The following TENM3 variants were observed in gnomAD, a reference collection of about 807,000 sequenced individuals.
TENM3 encodes the protein teneurin transmembrane protein 3, also known as teneurin-3.
Under a neutral mutation model 255.1 loss-of-function variants are expected in TENM3, and 63 were observed. The ratio of observed to expected loss-of-function variants is 0.25; its 90% CI spans 0.20 to 0.30. The LOEUF (loss-of-function observed/expected upper bound fraction) is 0.30, where lower values mean the gene tolerates loss of function less well. Ranked by LOEUF, TENM3 falls within the 10% of genes least tolerant of loss-of-function variation. The pLI is 1.00. For missense variants in TENM3, 2,929 were observed against 3,461.1 expected, an observed-to-expected ratio of 0.85 and a Z score of 3.86; for synonymous variants, 1,306 against 1,322.3, an observed-to-expected ratio of 0.99 and a Z score of 0.27.
intron 20 of TENM3, among the ~76,000 whole-genome samples, chr4:182,752,348 G>T (rs1561200287): frequency 6.6e-6 from 1 of 152,118 alleles, no homozygotes; most frequent in East Asian, 1.9e-4. Context: ...TCAACTTCAA[G>T]GAAGTATCCA....
intron 1 of TENM3, among the ~76,000 whole-genome samples, chr4:182,322,201 A>T (rs28479324): frequency 0.14 from 21,243 of 152,140 alleles, 1,939 homozygotes; most frequent in African/African-American, 0.26. Context: ...ATCGTTTTTT[A>T]AAATAAAAAC....
At chr4:182,679,624 A>C in intron 7 of TENM3, 42 bp from the exon 8 acceptor site, 6 of 1,455,554 alleles carry the variant, frequency 4.1e-6, no homozygotes, top group Non-Finnish European at 5.7e-6. Flanking sequence ...AGAAGCAGCC[A>C]CCCTTTATCT....
intron 22 of TENM3, among the ~76,000 whole-genome samples, chr4:182,761,774 T>C (rs532074934): frequency 6.6e-6 from 1 of 152,348 alleles, no homozygotes; most frequent in East Asian, 1.9e-4. Context: ...GAAAATTCTA[T>C]TTTTGATAGA....
intron 3 of TENM3, among the ~76,000 whole-genome samples, chr4:182,558,806 A>G (rs954471745): frequency 6.6e-6 from 1 of 152,164 alleles, no homozygotes; most frequent in Non-Finnish European, 1.5e-5. Context: ...TGCTTCTTCC[A>G]GAGAAGCTTT....
At chr4:182,358,997 T>C (rs967765562) in intron 3 of TENM3, among the ~76,000 whole-genome samples, 13 of 151,820 alleles carry the variant, frequency 8.6e-5, no homozygotes, top group Non-Finnish European at 1.5e-4. Flanking sequence ...TTGTCTTTGG[T>C]TCTGTTTATA....
At chr4:182,259,339 G>A (rs1406554884) in intron 1 of TENM3, among the ~76,000 whole-genome samples, 3 of 152,100 alleles carry the variant, frequency 2.0e-5, no homozygotes, top group Admixed American at 6.6e-5. Context: ...TAGATACAGG[G>A]TCTTGCTCTG....
At chr4:182,410,707 A>G (rs17073261) in intron 3 of TENM3, among the ~76,000 whole-genome samples, 16,703 of 152,172 alleles carry the variant, frequency 0.11, 1,287 homozygotes, top group East Asian at 0.29. Flanking sequence ...AAATCGTCTT[A>G]ACCACGAGGA....
At chr4:182,500,798 A>G (rs555692730) in intron 3 of TENM3, among the ~76,000 whole-genome samples, 1 of 152,242 alleles carries the variant, frequency 6.6e-6, no homozygotes, top group Admixed American at 6.5e-5. Flanking sequence ...AATAAAGTAC[A>G]CGGTTTCACA....
At chr4:182,260,119 T>G (rs931853887) in intron 1 of TENM3, among the ~76,000 whole-genome samples, 13 of 152,240 alleles carry the variant, frequency 8.5e-5, no homozygotes, top group African/African-American at 2.9e-4. Context: ...GGACTAAATT[T>G]TCTTTATCCA....
chr4:182,393,340 T>C (rs1768568570), intron 3 of TENM3, among the ~76,000 whole-genome samples: 1 of 152,174 alleles, frequency 6.6e-6, no homozygotes, highest in Non-Finnish European at 1.5e-5. Flanking sequence ...GATGGTCCTG[T>C]ATCTTTTCAC....
At chr4:181,563,855 A>T in the TENM3 span, among the ~76,000 whole-genome samples, 3 of 151,986 alleles carry the variant, frequency 2.0e-5, no homozygotes, top group Admixed American at 1.3e-4. Flanking sequence ...CAATCTAACC[A>T]TACAGTAGAC....
chr4:182,639,078 T>G (rs1752084075), intron 5 of TENM3, among the ~76,000 whole-genome samples: 1 of 152,238 alleles, frequency 6.6e-6, no homozygotes, highest in African/African-American at 2.4e-5. Context: ...TTCATTAAAC[T>G]TAGCTGTTTT....
chr4:182,662,994 G>A lies in TENM3; in HGVS notation c.1111+9101G>A, dbSNP rs962659742. Among the ~76,000 whole-genome samples, 12 of 152,206 alleles carry A rather than the reference G, an allele frequency of 7.9e-5. No homozygotes were observed. In the South Asian group the frequency reaches 8.3e-4, roughly 11 times the overall value. ...AACTAGAGGCTTAAACAGGAAGGCT[G>A]TACTAATCTAAGCTGCCGTTTCAGT... is the stretch of plus-strand genomic sequence containing the variant. On this transcript the variant is annotated intron_variant, in intron 6 of 27. Transcript: ENST00000511685.
the TENM3 span, among the ~76,000 whole-genome samples, chr4:181,708,623 G>GACCTTATTAT: frequency 6.6e-6 from 1 of 150,566 alleles, no homozygotes; most frequent in Non-Finnish European, 1.5e-5. Flanking sequence ...AATCAAATAT[G>GACCTTATTAT]ACCTTATTAT....
chr4:181,728,149 A>G, the TENM3 span, among the ~76,000 whole-genome samples: 1 of 152,224 alleles, frequency 6.6e-6, no homozygotes, highest in Non-Finnish European at 1.5e-5. Context: ...GTTCAATTTA[A>G]TGAAAACGAT....
the TENM3 span, among the ~76,000 whole-genome samples, chr4:181,613,210 T>G: frequency 6.6e-6 from 1 of 152,204 alleles, no homozygotes; most frequent in Non-Finnish European, 1.5e-5. Context: ...GTTTAGATGC[T>G]ACGTACGTGA....
chr4:181,508,654 T>C, the TENM3 span, among the ~76,000 whole-genome samples: 3 of 152,072 alleles, frequency 2.0e-5, no homozygotes, highest in Admixed American at 2.0e-4. Context: ...TGTGAATTAT[T>C]TTAAACTGCT....
intron 2 of TENM3, among the ~76,000 whole-genome samples, chr4:182,330,956 C>CA (rs1763711485): frequency 6.6e-6 from 1 of 152,166 alleles, no homozygotes; most frequent in South Asian, 2.1e-4. Context: ...AGTGGGGAAA[C>CA]AGTTATGAAA....
At chr4:181,742,977 T>G in the TENM3 span, among the ~76,000 whole-genome samples, 1 of 151,710 alleles carries the variant, frequency 6.6e-6, no homozygotes, top group East Asian at 1.9e-4. Flanking sequence ...ATTTCCAATT[T>G]CATCCATGTC....
Sources: allele counts gnomAD v4.1 joint callset (sites outside exome capture counted in the v4.1 genomes callset), GRCh38; gene constraint gnomAD v4.1.1; transcripts MANE v1.5; gene names NCBI Gene and HGNC (gene_info 2026-07-23, HGNC 2026-07-21).